FAM83C: variants seen among roughly 807,000 people sequenced by gnomAD.
The protein encoded by FAM83C is scaffolding CK1 anchoring protein C, also known as protein FAM83C.
In FAM83C, 23 loss-of-function variants were observed where a neutral mutation model predicts 27.1. The observed-to-expected ratio is 0.85, with a 90% CI of 0.61 to 1.20. The LOEUF (loss-of-function observed/expected upper bound fraction) is 1.20. Among genes scored for constraint, FAM83C ranks in the 50% most tolerant of loss-of-function variants. The pLI, the probability that FAM83C is intolerant of heterozygous loss-of-function variation, is 0.00. For synonymous variants in FAM83C, 426 were observed against 423.1 expected, an observed-to-expected ratio of 1.01 and a Z score of -0.09; for missense variants, 984 against 1,001.3, an observed-to-expected ratio of 0.98 and a Z score of 0.23.
At position 35,288,965 on chromosome 20, in the gene FAM83C, G is replaced by C. The variant is rs376855858; in HGVS notation, c.514-7C>G. ...CCATCACCACAGCCACCACCTGGGTGGGGGGAGGCACACGAAAGCTCAGCG... is the reference window on the plus strand; with the variant it reads ...CCATCACCACAGCCACCACCTGGGTCGGGGGAGGCACACGAAAGCTCAGCG... On this transcript the variant is annotated splice_polypyrimidine_tract_variant and splice_region_variant and intron_variant, in intron 1 of 3. Transcript: ENST00000374408. 67 of 1,610,880 alleles carry C rather than the reference G, an allele frequency of 4.2e-5. No homozygotes were observed. The highest frequency in any genetic ancestry group is 5.0e-5 in the Non-Finnish European group (59 of 1,178,440).
Position 35,287,088 on chromosome 20 carries a change from G to T in FAM83C, c.1691C>A (p.Thr564Asn). ...QLDLLSRALGTGGAPELGSLR... is the reference protein window; with the variant it reads ...QLDLLSRALGNGGAPELGSLR... ...GGAACCCAACTCAGGGGCACCCCCA[G>T]TACCCAGGGCTCGGGACAGGAGATC... The change falls in exon 4 of 4, where the codon ACT (threonine) becomes AAT (asparagine). Residue 564 changes from threonine to asparagine, a missense_variant. Transcript: ENST00000374408. 6.2e-7 allele frequency: 1 copy of T among 1,605,160 alleles called. No homozygotes were observed.
intron 3 of FAM83C, 45 bp downstream of exon 3, chr20:35,288,416 A>C: frequency 6.2e-7 from 1 of 1,608,944 alleles, no homozygotes; most frequent in East Asian, 2.2e-5. Flanking sequence ...GCTGCCAGCC[A>C]GTGATGCAGC....
chr20:35,286,228 G>T lies in FAM83C; in HGVS notation c.*307C>A. Reference sequence around the variant, plus strand: ...TTAACCTTTAACTTGATATGGCTCTGACCCCTTCTCCAGCAGCTTGTGCAT... The same window carrying T: ...TTAACCTTTAACTTGATATGGCTCTTACCCCTTCTCCAGCAGCTTGTGCAT... On this transcript the variant is annotated 3_prime_UTR_variant, in exon 4 of 4. Transcript: ENST00000374408. 1 of 351,774 alleles carries T rather than the reference G, an allele frequency of 2.8e-6. No homozygotes were observed. The highest frequency in any genetic ancestry group is 5.2e-6 in the Non-Finnish European group (1 of 191,730). 21.8% of individuals were successfully genotyped at this position (351,774 alleles called of 1,614,324 possible).
In FAM83C at chr20:35,292,169, G is replaced by A. The variant is rs777525868; in HGVS notation, c.136C>T (p.Arg46Trp). 11 of 1,597,170 alleles carry A rather than the reference G, an allele frequency of 6.9e-6. No homozygotes were observed. The highest frequency in any genetic ancestry group is 2.2e-5 in the East Asian group (1 of 44,826). ...TCCAGGAGGGCGTCGGCCGCCAGCC[G>A]AGCCGCCTCGCTGTGCCGCAGCACC... ...PLVLRHSEAA[R>W]LAADALLERG... The change falls in exon 1 of 4, where the codon CGG (arginine) becomes TGG (tryptophan). Residue 46 changes from arginine (R) to tryptophan (W), a missense_variant. By Grantham distance (101) the Arg-to-Trp change is moderately radical. Transcript: ENST00000374408.
intron 3 of FAM83C, 74 bp downstream of exon 3, chr20:35,288,387 G>T: frequency 6.3e-7 from 1 of 1,590,708 alleles, no homozygotes; most frequent in South Asian, 1.1e-5. Context: ...AGGAAAGGAT[G>T]AGTGGAGGGA....
intron 1 of FAM83C, among the ~76,000 whole-genome samples, chr20:35,291,223 G>C (rs2060846011): frequency 6.6e-6 from 1 of 152,206 alleles, no homozygotes; most frequent in Non-Finnish European, 1.5e-5. Context: ...GGTGCAGGAG[G>C]GTAGGGGGCA....
Position 35,287,705 on chromosome 20 carries a change from ACCC to A in FAM83C, c.1071_1073del (p.Met357_Gly358delinsIle), listed in dbSNP as rs774670391. ...CTGGTAGAGCGAGGTAGGAGGAGCG[ACCC>A]ATAAGCGGTGACTGCTTGATGCTGC... On this transcript the variant is annotated inframe_deletion, in exon 4 of 4. Transcript: ENST00000374408. The A allele has an allele frequency of 2.8e-5, 45 of 1,613,850 alleles. No individual in the cohort carries two copies. The highest frequency in any genetic ancestry group is 3.6e-5 in the Non-Finnish European group (43 of 1,179,962).
rs768786300 is a variant in FAM83C, at chr20:35,286,354, GGTGTGTGTGT to G, written c.*171_*180del. ...CTAGATTCAAGAAGATACTAGTTAG[GGTGTGTGTGT>G]GTGTGTGTGTGTGTGTGTGTGTACA... is the stretch of plus-strand genomic sequence containing the variant. On this transcript the variant is annotated 3_prime_UTR_variant, in exon 4 of 4. Coordinates refer to ENST00000374408, the MANE Select transcript of FAM83C (RefSeq NM_178468.6). 49 of 512,608 alleles carry G rather than the reference GGTGTGTGTGT, an allele frequency of 9.6e-5. 1 individual carries two copies. Among genetic ancestry groups the G allele is most frequent in the Admixed American group, 5.0e-4 (14 of 27,858 alleles). 31.8% of individuals were successfully genotyped at this position (512,608 alleles called of 1,614,324 possible).
chr20:35,287,050 C>A lies in FAM83C; in HGVS notation c.1729G>T (p.Asp577Tyr). 1 of 1,605,150 alleles carries A rather than the reference C, an allele frequency of 6.2e-7. No individual in the cohort carries two copies. The highest frequency in any genetic ancestry group is 1.7e-5 in the Admixed American group (1 of 60,030). ...AGCCTCCTGTCCTCCAGGGCCCGAT[C>A]ACCAGGTCTGAGGGAACCCAACTCA... ...APELGSLRPG[D>Y]RALEDRRLSL... The change falls in exon 4 of 4, where the codon GAT becomes TAT. Residue 577 changes from aspartate to tyrosine, a missense_variant. Coordinates refer to ENST00000374408, the MANE Select transcript of FAM83C (RefSeq NM_178468.6).
At chr20:35,288,415 C>G in intron 3 of FAM83C, 46 bp downstream of exon 3, 3 of 1,608,342 alleles carry the variant, frequency 1.9e-6, no homozygotes, top group Non-Finnish European at 2.5e-6. Context: ...AGCTGCCAGC[C>G]AGTGATGCAG....
In FAM83C at chr20:35,286,517, C is replaced by G; in HGVS notation, c.*18G>C. The G allele has an allele frequency of 6.3e-7, 1 of 1,584,600 alleles. No homozygotes were observed. The highest frequency in any genetic ancestry group is 8.6e-7 in the Non-Finnish European group (1 of 1,166,086). Reference sequence around the variant, plus strand: ...GGGGCCTGCCCTTGCCAGTGCACCCCCGATGCCAGTCCTTTGGCTAGGACT... The same window carrying G: ...GGGGCCTGCCCTTGCCAGTGCACCCGCGATGCCAGTCCTTTGGCTAGGACT... On this transcript the variant is annotated 3_prime_UTR_variant, in exon 4 of 4. Transcript: ENST00000374408.
Position 35,287,038 on chromosome 20 carries a change from C to A in FAM83C, c.1741G>T (p.Glu581Ter), listed in dbSNP as rs749463590. ...GSLRPGDRAL[E>*]DRRLSLNQSR... is the part of the protein sequence containing the mutation. ...TGGTTTAGGGACAGCCTCCTGTCCT[C>A]CAGGGCCCGATCACCAGGTCTGAGG... The change falls in exon 4 of 4, where the codon GAG becomes TAG. Residue 581 changes from glutamate (E) to a stop codon, truncating the protein, a stop_gained. Coordinates refer to ENST00000374408, the MANE Select transcript of FAM83C (RefSeq NM_178468.6). LOFTEE classifies it high-confidence loss of function. 6.2e-7 allele frequency: 1 copy of A among 1,605,624 alleles called. No individual in the cohort carries two copies. The highest frequency in any genetic ancestry group is 8.5e-7 in the Non-Finnish European group (1 of 1,179,982).
chr20:35,288,863 G>C lies in FAM83C; in HGVS notation c.609C>G (p.Leu203=), dbSNP rs146188355. The part of the protein sequence containing the change: ...SSRRGVPVYL[L]LAQEHLRHFL... ...AGTGCCTCAGGTGCTCCTGGGCAAG[G>C]AGCAGGTACACAGGGACACCACGCC... The change falls in exon 2 of 4, where the codon CTC becomes CTG. Residue 203 remains leucine (L), a synonymous_variant. Coordinates refer to ENST00000374408, the MANE Select transcript of FAM83C (RefSeq NM_178468.6). The C allele has an allele frequency of 4.3e-6, 7 of 1,614,050 alleles. No individual in the cohort carries two copies. The highest frequency in any genetic ancestry group is 1.3e-5 in the African/African-American group (1 of 74,936).
In FAM83C at chr20:35,292,080, G is replaced by A. The variant is rs1385103380; in HGVS notation, c.225C>T (p.Ala75=). 2.5e-6 allele frequency: 4 copies of A among 1,609,766 alleles called. No homozygotes were observed. The highest frequency in any genetic ancestry group is 3.4e-6 in the Non-Finnish European group (4 of 1,179,972). The change falls in exon 1 of 4, where the codon GCC becomes GCT. Residue 75 remains alanine (A), a synonymous_variant. Transcript: ENST00000374408. ...GGCTGGTCATGTAGTCCACATCCAG[G>A]GCGCTCAGGAAGGGCAGCTCCCGCT... ...SEERELPFLS[A]LDVDYMTSHV... is the part of the protein sequence containing the mutation.
intron 2 of FAM83C, 62 bp downstream of exon 2, chr20:35,288,729 C>G: frequency 6.5e-7 from 1 of 1,541,340 alleles, no homozygotes; most frequent in African/African-American, 1.4e-5. Context: ...CACCCACTGG[C>G]TCCCCTGCCC....
At position 35,292,063 on chromosome 20, in the gene FAM83C, A is replaced by G. The variant is rs76804775; in HGVS notation, c.242T>C (p.Met81Thr). ...PFLSALDVDYMTSHVRGGPEL... is the reference protein window; with the variant it reads ...PFLSALDVDYTTSHVRGGPEL... ...AGGGCCCCCGCGCACATGGCTGGTC[A>G]TGTAGTCCACATCCAGGGCGCTCAG... Residue 81 changes from methionine (M) to threonine (T), a missense_variant, in exon 1 of 4, where the codon ATG becomes ACG. Transcript: ENST00000374408. 4.7e-4 allele frequency: 764 copies of G among 1,611,618 alleles called. 1 individual carries two copies. In the African/African-American group the frequency reaches 8.9e-3, roughly 19 times the overall value.
rs766838676 is a variant in FAM83C at position 35,292,223 on chromosome 20, G to A, written c.82C>T (p.Leu28=). ...PLRGRVEELK[L]PWWRESSPLV... ...GGTGAGCTCTCCCGCCACCACGGCA[G>A]CTTCAGCTCTTCCACCCGGCCCCGC... Residue 28 remains leucine (L), a synonymous_variant, in exon 1 of 4, where the codon CTG becomes TTG. Coordinates refer to ENST00000374408, the MANE Select transcript of FAM83C (RefSeq NM_178468.6). The A allele has an allele frequency of 1.0e-5, 16 of 1,587,020 alleles. No individual in the cohort carries two copies. Among genetic ancestry groups the A allele is most frequent in the South Asian group, 1.1e-5 (1 of 89,866 alleles).
At chr20:35,291,130 G>A (rs1257624952) in intron 1 of FAM83C, among the ~76,000 whole-genome samples, 1 of 152,182 alleles carries the variant, frequency 6.6e-6, no homozygotes, top group East Asian at 1.9e-4. Flanking sequence ...TTCCTCCTTG[G>A]TTCCAAAGCC....
Position 35,286,386 on chromosome 20 carries a change from T to TAA in FAM83C, c.*148_*149insTT. On this transcript the variant is annotated 3_prime_UTR_variant, in exon 4 of 4. Transcript: ENST00000374408. Reference sequence around the variant, plus strand: ...GTGTGTGTGTGTGTGTGTGTGTGTGTACACAAGAATCTTGAGCCCAGAGAG... The same window carrying TAA: ...GTGTGTGTGTGTGTGTGTGTGTGTGTAAACACAAGAATCTTGAGCCCAGAGAG... 1.7e-6 allele frequency: 1 copy of TAA among 575,526 alleles called. No individual in the cohort carries two copies. Among genetic ancestry groups the TAA allele is most frequent in the Non-Finnish European group, 2.9e-6 (1 of 346,432 alleles). The allele number at this position is 575,526 out of a possible 1,614,324, so 35.7% of individuals were successfully genotyped here. A position where few individuals can be genotyped will look rare whatever the true frequency, so the allele number is the denominator to read the frequency against.
Sources: allele counts gnomAD v4.1 joint callset (sites outside exome capture counted in the v4.1 genomes callset), GRCh38; gene constraint gnomAD v4.1.1; transcripts MANE v1.5; gene names NCBI Gene and HGNC (gene_info 2026-07-23, HGNC 2026-07-21).